TMEM161B: variants seen among roughly 807,000 people sequenced by gnomAD.
TMEM161B encodes transmembrane protein 161B.
A neutral mutation model predicts 61.8 loss-of-function variants in TMEM161B; 34 were observed. That is an observed-to-expected ratio of 0.55 (90% CI 0.42 to 0.73). The LOEUF (loss-of-function observed/expected upper bound fraction) is 0.73. Ranked by LOEUF, TMEM161B falls within the 30% of genes least tolerant of loss-of-function variation. TMEM161B has a pLI of 0.00. For missense variants in TMEM161B, 456 were observed against 558.5 expected (o/e 0.82, Z 1.85); for synonymous variants, 167 against 192.8 (o/e 0.87, Z 1.11).
At chr5:88,190,051 C>T (rs910671100), downstream of TMEM161B, 5 of 698,754 alleles carry the variant, frequency 7.2e-6, no homozygotes, top group East Asian at 2.8e-5. Flanking sequence ...GGAATAAGAT[C>T]TCAAAGAAGC....
Position 88,195,194 on chromosome 5 carries a change from T to C in TMEM161B, c.*1017A>G, listed in dbSNP as rs1749420562. ...TCACACATAGGCAACACAAATAAAT[T>C]GCTTACTCTGCTGAACTTTCAAAAT... On this transcript the variant is annotated 3_prime_UTR_variant, in exon 12 of 12. Transcript: ENST00000296595. 1.0e-6 allele frequency: 1 copy of C among 984,516 alleles called. No individual in the cohort carries two copies. Among genetic ancestry groups the C allele is most frequent in the African/African-American group, 1.7e-5 (1 of 57,176 alleles). The allele number at this position is 984,516 out of a possible 1,614,324, so 61.0% of individuals were successfully genotyped here.
intron 1 of TMEM161B, among the ~76,000 whole-genome samples, chr5:88,261,626 T>C (rs1265012740): frequency 2.1e-5 from 3 of 140,928 alleles, no homozygotes; most frequent in East Asian, 2.1e-4. Flanking sequence ...GACCCACATA[T>C]AGTCAAATGA....
Position 88,195,495 on chromosome 5 carries a change from C to T in TMEM161B, c.*716G>A. The T allele has an allele frequency of 1.0e-6, 1 of 984,784 alleles. No homozygotes were observed. The highest frequency in any genetic ancestry group is 1.2e-6 in the Non-Finnish European group (1 of 829,454). The allele number at this position is 984,784 out of a possible 1,614,324, so 61.0% of individuals were successfully genotyped here. On this transcript the variant is annotated 3_prime_UTR_variant, in exon 12 of 12. Transcript: ENST00000296595. ...AACTAGTTAGGATCACAGAATAAAA[C>T]AAAATATGGCAGGTCCAAACCTAAT...
At chr5:88,195,017 A>C, downstream of TMEM161B, 1 of 384,794 alleles carries the variant, frequency 2.6e-6, no homozygotes, top group African/African-American at 2.2e-5. Flanking sequence ...AATTCTAGAA[A>C]CTACAAATTT....
chr5:88,216,046 C>G (rs1217305088), intron 5 of TMEM161B, among the ~76,000 whole-genome samples: 2 of 152,024 alleles, frequency 1.3e-5, no homozygotes, highest in Non-Finnish European at 2.9e-5. Flanking sequence ...TGGCTTGAGG[C>G]CAGGAGTTTA....
At chr5:88,243,205 C>A (rs997851569) in intron 1 of TMEM161B, among the ~76,000 whole-genome samples, 13 of 151,682 alleles carry the variant, frequency 8.6e-5, no homozygotes, top group Non-Finnish European at 4.4e-5. Flanking sequence ...GAGCATAGTA[C>A]CTGATAGGTA....
downstream of TMEM161B, among the ~76,000 whole-genome samples, chr5:88,189,388 A>T (rs758029274): frequency 1.3e-5 from 2 of 151,836 alleles, no homozygotes; most frequent in Non-Finnish European, 2.9e-5. Flanking sequence ...CTTCAGGGTC[A>T]CTCTGCAAGG....
intron 5 of TMEM161B, among the ~76,000 whole-genome samples, chr5:88,212,453 A>G (rs1452759832): frequency 6.6e-6 from 1 of 152,210 alleles, no homozygotes; most frequent in East Asian, 1.9e-4. Context: ...AATGATGAAC[A>G]GGTTCAAGTT....
At chr5:88,262,431 C>A (rs1248442358) in intron 1 of TMEM161B, among the ~76,000 whole-genome samples, 3 of 152,090 alleles carry the variant, frequency 2.0e-5, no homozygotes, top group African/African-American at 7.2e-5. Context: ...AAACCTTTGT[C>A]CACACAAAAA....
At chr5:88,260,175 T>G (rs1299492604) in intron 1 of TMEM161B, among the ~76,000 whole-genome samples, 1 of 152,192 alleles carries the variant, frequency 6.6e-6, no homozygotes, top group African/African-American at 2.4e-5. Flanking sequence ...AAAGTAAAAT[T>G]CAATTTCTTA....
chr5:88,263,234 A>G (rs1316517325), intron 1 of TMEM161B, among the ~76,000 whole-genome samples: 1 of 152,140 alleles, frequency 6.6e-6, no homozygotes, highest in Non-Finnish European at 1.5e-5. Context: ...CCTATCTAAA[A>G]CAGGCATTTT....
chr5:88,248,761 G>A (rs1459065297), intron 1 of TMEM161B, among the ~76,000 whole-genome samples: 5 of 146,234 alleles, frequency 3.4e-5, no homozygotes, highest in African/African-American at 1.3e-4. Context: ...CAAGATCCAA[G>A]AAGACAAAAA....
At chr5:88,216,234 A>G (rs559651934) in intron 5 of TMEM161B, among the ~76,000 whole-genome samples, 1 of 152,358 alleles carries the variant, frequency 6.6e-6, no homozygotes, top group East Asian at 1.9e-4. Flanking sequence ...TGACAGAGTG[A>G]GACCTTGTCT....
intron 1 of TMEM161B, among the ~76,000 whole-genome samples, chr5:88,267,675 A>G (rs1179659529): frequency 1.3e-5 from 2 of 152,138 alleles, no homozygotes; most frequent in Non-Finnish European, 2.9e-5. Flanking sequence ...TGTTCTGAGA[A>G]ATTGGCTTAC....
chr5:88,227,802 G>A (rs1220404733), intron 3 of TMEM161B, among the ~76,000 whole-genome samples: 1 of 152,112 alleles, frequency 6.6e-6, no homozygotes, highest in East Asian at 1.9e-4. Context: ...TCCATTCAGA[G>A]AGGTAATTAA....
chr5:88,204,840 A>C (rs1344305389), intron 8 of TMEM161B, among the ~76,000 whole-genome samples: 2 of 138,428 alleles, frequency 1.4e-5, no homozygotes, highest in Non-Finnish European at 3.1e-5. Flanking sequence ...AGAAAAATGG[A>C]AGTGAGGTTA....
At chr5:88,199,376 G>A in intron 9 of TMEM161B, 1 of 372,190 alleles carries the variant, frequency 2.7e-6, no homozygotes. Context: ...CAGGTATCTA[G>A]AAGAAAAAAG....
intron 5 of TMEM161B, among the ~76,000 whole-genome samples, chr5:88,211,638 C>T (rs1173475108): frequency 1.3e-5 from 2 of 151,158 alleles, no homozygotes; most frequent in Admixed American, 6.6e-5. Context: ...GGCGCGGCGG[C>T]GGGCGCCTGT....
intron 4 of TMEM161B, among the ~76,000 whole-genome samples, chr5:88,224,357 G>A (rs929510615): frequency 1.3e-5 from 2 of 152,018 alleles, no homozygotes; most frequent in Non-Finnish European, 2.9e-5. Flanking sequence ...ATATCCCCAA[G>A]TTTAAAAACC....
Sources: allele counts gnomAD v4.1 joint callset (sites outside exome capture counted in the v4.1 genomes callset), GRCh38; gene constraint gnomAD v4.1.1; transcripts MANE v1.5; gene names NCBI Gene and HGNC (gene_info 2026-07-23, HGNC 2026-07-21).